Variants in BMP2K observed in about 807,000 individuals in gnomAD.
BMP2K encodes the protein BMP-2-inducible protein kinase.
In BMP2K, 74 loss-of-function variants were observed where a neutral mutation model predicts 116.0. The ratio of observed to expected loss-of-function variants is 0.64; its 90% confidence interval spans 0.53 to 0.77. The LOEUF is 0.77. Ranked by LOEUF, BMP2K falls within the 30% of genes least tolerant of loss-of-function variation. The probability of loss-of-function intolerance (pLI) is 0.00; values close to 1 mark genes in which losing one functional copy is unlikely to be tolerated. For missense variants in BMP2K, 1,365 were observed against 1,403.6 expected (o/e 0.97, Z 0.44); for synonymous variants, 486 against 502.5 (o/e 0.97, Z 0.44).
At chr4:78,854,947 A>C (rs1420598629) in intron 7 of BMP2K, among the ~76,000 whole-genome samples, 1 of 152,030 alleles carries the variant, frequency 6.6e-6, no homozygotes, top group Non-Finnish European at 1.5e-5. Flanking sequence ...TAGCTACTTA[A>C]AAGTACCTTT....
intron 3 of BMP2K, among the ~76,000 whole-genome samples, chr4:78,837,470 T>C (rs1415059672): frequency 1.3e-5 from 2 of 152,178 alleles, no homozygotes; most frequent in South Asian, 2.1e-4. Flanking sequence ...GCTGGTATTA[T>C]AGGTGTGAGC....
intron 1 of BMP2K, among the ~76,000 whole-genome samples, chr4:78,792,148 T>C (rs1242120446): frequency 6.6e-6 from 1 of 152,246 alleles, no homozygotes; most frequent in African/African-American, 2.4e-5. Flanking sequence ...TGAAGTGTTA[T>C]CTATCTCATG....
chr4:78,870,940 G>GCAGCAGCAGCAGCAA lies in BMP2K; in HGVS notation c.1395_1409dup (p.Gln482_Gln486dup). ...ATCGTCATCCTCACCAGCAGCAGCA[G>GCAGCAGCAGCAGCAA]CAGCAGCAGCAGCAACAGCAACAGC... On this transcript the variant is annotated inframe_insertion, in exon 11 of 16. Transcript: ENST00000502613. 6.2e-7 allele frequency: 1 copy of GCAGCAGCAGCAGCAA among 1,608,562 alleles called. No individual in the cohort carries two copies. Among genetic ancestry groups the GCAGCAGCAGCAGCAA allele is most frequent in the East Asian group, 2.2e-5 (1 of 44,770 alleles).
At chr4:78,791,309 A>C (rs1045428738) in intron 1 of BMP2K, among the ~76,000 whole-genome samples, 1 of 152,214 alleles carries the variant, frequency 6.6e-6, no homozygotes, top group Non-Finnish European at 1.5e-5. Flanking sequence ...AAATGTTTTC[A>C]TAATAATACT....
rs901668179 is a variant in BMP2K at position 78,914,657 on chromosome 4, T to C, written c.*2624T>C. On this transcript the variant is annotated 3_prime_UTR_variant, in exon 16 of 16. Coordinates refer to ENST00000502613, the MANE Select transcript of BMP2K (RefSeq NM_198892.2). ...ACTCAATAAAAGTTTGGCTCTATTATGGGATGGTTCAATTCTGGTTTAAGG... is the reference window on the plus strand; with the variant it reads ...ACTCAATAAAAGTTTGGCTCTATTACGGGATGGTTCAATTCTGGTTTAAGG... 3 of 151,592 alleles carry C rather than the reference T, an allele frequency of 2.0e-5. No homozygotes were observed. Among genetic ancestry groups the C allele is most frequent in the African/African-American group, 7.3e-5 (3 of 41,254 alleles). The allele number at this position is 151,592 out of a possible 1,614,324, so 9.4% of individuals were successfully genotyped here. A position where few individuals can be genotyped will look rare whatever the true frequency, so the allele number is the denominator to read the frequency against.
At chr4:78,809,653 T>TA (rs1169372641) in intron 1 of BMP2K, among the ~76,000 whole-genome samples, 1 of 152,236 alleles carries the variant, frequency 6.6e-6, no homozygotes, top group African/African-American at 2.4e-5. Context: ...GTGTTGGAAT[T>TA]ATAAATGTGA....
intron 7 of BMP2K, among the ~76,000 whole-genome samples, chr4:78,856,538 A>T (rs1731513700): frequency 6.6e-6 from 1 of 152,026 alleles, no homozygotes; most frequent in African/African-American, 2.4e-5. Context: ...TAAATTGCTG[A>T]TAATATTCAA....
chr4:78,869,305 A>G (rs1386607375), intron 10 of BMP2K, among the ~76,000 whole-genome samples: 2 of 151,640 alleles, frequency 1.3e-5, no homozygotes, highest in African/African-American at 4.8e-5. Context: ...TTTAACCTAT[A>G]AGTTACTTAG....
At chr4:78,846,634 A>G (rs1731013421) in intron 5 of BMP2K, among the ~76,000 whole-genome samples, 1 of 151,652 alleles carries the variant, frequency 6.6e-6, no homozygotes, top group African/African-American at 2.4e-5. Flanking sequence ...TATGGCAGTC[A>G]GTATTAGAAA....
chr4:78,879,202 A>G, intron 14 of BMP2K: 1 of 1,061,410 alleles, frequency 9.4e-7, no homozygotes, highest in Non-Finnish European at 1.1e-6. Flanking sequence ...GTTTCAATAA[A>G]AAGGGAGACA....
chr4:78,803,414 G>T (rs555476405), intron 1 of BMP2K, among the ~76,000 whole-genome samples: 1 of 151,676 alleles, frequency 6.6e-6, no homozygotes, highest in Non-Finnish European at 1.5e-5. Flanking sequence ...TTTTTGGGGG[G>T]GATCAGAGTC....
chr4:78,780,502 C>T (rs1727452570), intron 1 of BMP2K, among the ~76,000 whole-genome samples: 1 of 152,148 alleles, frequency 6.6e-6, no homozygotes. Context: ...TACTATACAT[C>T]TGATTTTGCA....
chr4:78,828,520 A>T (rs1459948861), intron 2 of BMP2K, among the ~76,000 whole-genome samples: 1 of 152,110 alleles, frequency 6.6e-6, no homozygotes, highest in Admixed American at 6.6e-5. Flanking sequence ...TTTAAGACCC[A>T]CAATCAGAAA....
rs764908321 is a variant in BMP2K at position 78,911,584 on chromosome 4, C to G, written c.3037C>G (p.Arg1013Gly). Residue 1013 changes from arginine to glycine, a missense_variant, in exon 16 of 16, where the codon CGC (arginine) becomes GGC (glycine). Around this residue, in one of 3 missense-constraint regions of BMP2K, gnomAD observed 596 missense variants for 623.2 expected, o/e 0.96. Coordinates refer to ENST00000502613, the MANE Select transcript of BMP2K (RefSeq NM_198892.2). ...AAAGAAGACTTTGAAGCCTACCTAT[C>G]GCACTCCAGAGAGGGCTCGCAGGCA... ...STKKTLKPTYRTPERARRHKK... is the reference protein window; with the variant it reads ...STKKTLKPTYGTPERARRHKK... 6.2e-7 allele frequency: 1 copy of G among 1,614,034 alleles called. No individual in the cohort carries two copies. The highest frequency in any genetic ancestry group is 8.5e-7 in the Non-Finnish European group (1 of 1,179,890).
intron 1 of BMP2K, among the ~76,000 whole-genome samples, chr4:78,783,999 T>C (rs111814880): frequency 9.3e-4 from 142 of 152,284 alleles, no homozygotes; most frequent in African/African-American, 3.3e-3. Context: ...TTTGTTAGTA[T>C]GTTTCATCAT....
chr4:78,850,724 G>A (rs764502147), intron 6 of BMP2K, among the ~76,000 whole-genome samples, 200 bp from the exon 7 acceptor site: 3 of 151,866 alleles, frequency 2.0e-5, no homozygotes, highest in Non-Finnish European at 1.5e-5. Flanking sequence ...ACTAGCCACA[G>A]ATGTGATAGA....
rs1475800834 is a variant in BMP2K, at chr4:78,865,608, A to G, written c.1119A>G (p.Arg373=). The change falls in exon 10 of 16, where the codon AGA becomes AGG. Residue 373 remains arginine, a synonymous_variant. Transcript: ENST00000502613. ...PTETSIAPRQ[R]PKANSATTAT... is the part of the protein sequence containing the mutation. ...AAACCTCAATTGCACCAAGACAAAG[A>G]CCAAAGGCCAACTCTGCTACTACTG... 2 of 1,614,150 alleles carry G rather than the reference A, an allele frequency of 1.2e-6. No individual in the cohort carries two copies. Among genetic ancestry groups the G allele is most frequent in the Non-Finnish European group, 1.7e-6 (2 of 1,179,994 alleles).
At chr4:78,889,952 A>C (rs971020763) in intron 15 of BMP2K, among the ~76,000 whole-genome samples, 1 of 152,202 alleles carries the variant, frequency 6.6e-6, no homozygotes, top group Admixed American at 6.5e-5. Context: ...CACTGTCCTG[A>C]ATCTAGTGTT....
At chr4:78,890,618 C>T (rs1435453547) in intron 15 of BMP2K, among the ~76,000 whole-genome samples, 2 of 151,898 alleles carry the variant, frequency 1.3e-5, no homozygotes, top group Non-Finnish European at 2.9e-5. Context: ...TTTTTGTTTG[C>T]TTAGTTTTTT....
Sources: allele counts gnomAD v4.1 joint callset (sites outside exome capture counted in the v4.1 genomes callset), GRCh38; gene constraint gnomAD v4.1.1; regional missense constraint gnomAD v4.1.1; transcripts MANE v1.5; gene names NCBI Gene and HGNC (gene_info 2026-07-23, HGNC 2026-07-21).